GPC5: variants seen among roughly 807,000 people sequenced by gnomAD.
The protein encoded by GPC5 is glypican-5.
A neutral mutation model predicts 53.9 loss-of-function variants in GPC5; 47 were observed. That is an observed-to-expected ratio of 0.87 (90% CI 0.69 to 1.11). The LOEUF (loss-of-function observed/expected upper bound fraction) is 1.11. GPC5 is among the 50% of genes most tolerant of loss of function. The pLI is 0.00. For missense variants in GPC5, 748 were observed against 713.1 expected (o/e 1.05, Z -0.56); for synonymous variants, 286 against 263.3 (o/e 1.09, Z -0.84).
intron 6 of GPC5, among the ~76,000 whole-genome samples, chr13:92,014,061 G>A (rs1258651344): frequency 6.6e-6 from 1 of 152,126 alleles, no homozygotes; most frequent in African/African-American, 2.4e-5. Flanking sequence ...GGCTTTAAAT[G>A]CATTTGCATA....
intron 6 of GPC5, among the ~76,000 whole-genome samples, chr13:92,007,556 T>C (rs1371808049): frequency 6.6e-6 from 1 of 152,188 alleles, no homozygotes; most frequent in African/African-American, 2.4e-5. Flanking sequence ...GATTCGTTTG[T>C]CACCAATATT....
chr13:91,516,349 T>C (rs1885495982), intron 2 of GPC5, among the ~76,000 whole-genome samples: 1 of 152,020 alleles, frequency 6.6e-6, no homozygotes, highest in Non-Finnish European at 1.5e-5. Context: ...ATGGGAGAAA[T>C]TGCCAAAACA....
intron 7 of GPC5, among the ~76,000 whole-genome samples, chr13:92,797,492 C>G (rs1284452209): frequency 6.6e-6 from 1 of 151,794 alleles, no homozygotes; most frequent in African/African-American, 2.4e-5. Flanking sequence ...ATTTCTTATA[C>G]AAATAGTTTA....
Position 92,461,539 on chromosome 13 carries a change from G to A in GPC5, c.1561+316550G>A, listed in dbSNP as rs533110351. 1.2e-4 allele frequency among the ~76,000 whole-genome samples: 18 copies of A among 152,342 alleles called. No homozygotes were observed. In the South Asian group the frequency reaches 3.7e-3, roughly 32 times the overall value. ...AAGGTGGAATGGATTGAATGTTTGT[G>A]TCCTGCTCCGTTCCTCAAATTCATA... On this transcript the variant is annotated intron_variant, in intron 7 of 7. Transcript: ENST00000377067.
chr13:92,691,168 C>T (rs567576545), intron 7 of GPC5, among the ~76,000 whole-genome samples: 1 of 101,254 alleles, frequency 9.9e-6, no homozygotes, highest in Non-Finnish European at 1.9e-5. Context: ...CCCCCAGCCT[C>T]GTTGCCGCCT....
intron 7 of GPC5, among the ~76,000 whole-genome samples, chr13:92,386,197 T>C (rs1874715797): frequency 6.6e-6 from 1 of 151,992 alleles, no homozygotes; most frequent in Non-Finnish European, 1.5e-5. Flanking sequence ...AAACTCATGA[T>C]GGAGAATTTG....
At chr13:91,675,952 T>C (rs530048884) in intron 2 of GPC5, among the ~76,000 whole-genome samples, 14 of 152,294 alleles carry the variant, frequency 9.2e-5, no homozygotes, top group African/African-American at 3.4e-4. Flanking sequence ...GGTCAGGTTT[T>C]CTAATATGTA....
rs1452252144 is a variant in GPC5 at position 92,814,458 on chromosome 13, C to T, written c.1562-51824C>T. 9.2e-5 allele frequency among the ~76,000 whole-genome samples: 14 copies of T among 151,764 alleles called. No homozygotes were observed. In the East Asian group the frequency reaches 2.1e-3, roughly 23 times the overall value. On this transcript the variant is annotated intron_variant, in intron 7 of 7. Transcript: ENST00000377067. ...GGTGGATCACTTGAGGTCAGGAGTTCGAGACCAGCCTGGCCAACATGGTGA... is the reference window on the plus strand; with the variant it reads ...GGTGGATCACTTGAGGTCAGGAGTTTGAGACCAGCCTGGCCAACATGGTGA...
At chr13:92,313,343 A>C (rs2043158026) in intron 7 of GPC5, among the ~76,000 whole-genome samples, 1 of 152,182 alleles carries the variant, frequency 6.6e-6, no homozygotes, top group Non-Finnish European at 1.5e-5. Flanking sequence ...AGAGTAATAG[A>C]CTTTTAAAAA....
At chr13:92,596,796 T>A (rs1355623622) in intron 7 of GPC5, among the ~76,000 whole-genome samples, 1 of 152,180 alleles carries the variant, frequency 6.6e-6, no homozygotes, top group African/African-American at 2.4e-5. Flanking sequence ...TCTAAAGTCA[T>A]AATATTGATA....
chr13:92,335,832 C>T (rs2043318575), intron 7 of GPC5, among the ~76,000 whole-genome samples: 1 of 152,146 alleles, frequency 6.6e-6, no homozygotes, highest in African/African-American at 2.4e-5. Flanking sequence ...GTCCATATCA[C>T]CTCAGCATTT....
chr13:92,605,735 G>T (rs1450856583), intron 7 of GPC5, among the ~76,000 whole-genome samples: 1 of 151,786 alleles, frequency 6.6e-6, no homozygotes, highest in Non-Finnish European at 1.5e-5. Flanking sequence ...GACTACAGGC[G>T]CCCGCCACCG....
At chr13:92,709,168 T>C (rs982498822) in intron 7 of GPC5, among the ~76,000 whole-genome samples, 4 of 151,480 alleles carry the variant, frequency 2.6e-5, no homozygotes, top group African/African-American at 4.9e-5. Context: ...TGCCTCAGCC[T>C]CCCAAGTAGC....
At chr13:91,834,469 G>GGAA (rs1419058619) in intron 5 of GPC5, among the ~76,000 whole-genome samples, 1 of 152,094 alleles carries the variant, frequency 6.6e-6, no homozygotes, top group Non-Finnish European at 1.5e-5. Flanking sequence ...CAAAGCTGGA[G>GGAA]GCATCACACT....
Position 91,476,314 on chromosome 13 carries a change from C to T in GPC5, c.325+27392C>T, listed in dbSNP as rs553532690. Reference sequence around the variant, plus strand: ...TGACCTATCTTGTGCTGATAATCTTCGAAGGAGGGAATCACTTCATTTTAA... The same window carrying T: ...TGACCTATCTTGTGCTGATAATCTTTGAAGGAGGGAATCACTTCATTTTAA... On this transcript the variant is annotated intron_variant, in intron 2 of 7. Transcript: ENST00000377067. Among the ~76,000 whole-genome samples the T allele has an allele frequency of 2.0e-5, 3 of 152,192 alleles. No individual in the cohort carries two copies. In the East Asian group the frequency reaches 5.8e-4, roughly 29 times the overall value.
At chr13:91,962,824 G>A (rs1032132842) in intron 6 of GPC5, among the ~76,000 whole-genome samples, 1 of 152,170 alleles carries the variant, frequency 6.6e-6, no homozygotes, top group Non-Finnish European at 1.5e-5. Flanking sequence ...ATATATGGTA[G>A]AGGTCATATA....
chr13:92,071,776 G>T (rs985197715), intron 6 of GPC5, among the ~76,000 whole-genome samples: 62 of 150,100 alleles, frequency 4.1e-4, no homozygotes, highest in African/African-American at 1.5e-3. Flanking sequence ...CAAGAGAAAA[G>T]ACACAATTTT....
At chr13:92,026,311 T>A (rs536680971) in intron 6 of GPC5, among the ~76,000 whole-genome samples, 1 of 152,136 alleles carries the variant, frequency 6.6e-6, no homozygotes, top group East Asian at 1.9e-4. Flanking sequence ...ATGTATTAGA[T>A]TATAAATTCC....
intron 7 of GPC5, among the ~76,000 whole-genome samples, chr13:92,413,253 T>A (rs1178920688): frequency 6.6e-6 from 1 of 152,152 alleles, no homozygotes; most frequent in African/African-American, 2.4e-5. Context: ...TTATACTGAG[T>A]GTTGTTGGTT....
Sources: allele counts gnomAD v4.1 joint callset (sites outside exome capture counted in the v4.1 genomes callset), GRCh38; gene constraint gnomAD v4.1.1; transcripts MANE v1.5; gene names NCBI Gene and HGNC (gene_info 2026-07-23, HGNC 2026-07-21).